KLRD1: variants seen among roughly 807,000 people sequenced by gnomAD.
KLRD1 encodes killer cell lectin like receptor D1.
In KLRD1, 21 loss-of-function variants were observed where a neutral mutation model predicts 22.6. The ratio of observed to expected loss-of-function variants is 0.93; its 90% confidence interval spans 0.66 to 1.34. KLRD1 has a LOEUF of 1.34. Ranked by LOEUF, KLRD1 falls within the 40% of genes most tolerant of loss-of-function variation. The pLI, the probability that KLRD1 is intolerant of heterozygous loss-of-function variation, is 0.00. For synonymous variants in KLRD1, 59 were observed against 71.1 expected, an observed-to-expected ratio of 0.83 and a Z score of 0.85; for missense variants, 183 against 208.6, an observed-to-expected ratio of 0.88 and a Z score of 0.76.
intron 1 of KLRD1, among the ~76,000 whole-genome samples, chr12:10,246,462 T>C (rs1245634720): frequency 6.6e-6 from 1 of 152,178 alleles, no homozygotes; most frequent in Non-Finnish European, 1.5e-5. Context: ...TTCAGAATTA[T>C]CCTCTTGCTT....
Position 10,282,707 on chromosome 12 carries a change from G to A in KLRD1, c.-100-25271G>A, listed in dbSNP as rs1017566712. ...AATATTGTAGAGCATACATAATGAT[G>A]TGGGTACAAAGTTAGAAGATGTGTT... On this transcript the variant is annotated intron_variant, in intron 1 of 5. Coordinates refer to the KLRD1 transcript ENST00000544747. Among the ~76,000 whole-genome samples the A allele has an allele frequency of 4.6e-5, 7 of 152,182 alleles. No homozygotes were observed. The South Asian group carries it at 1.4e-3, about 31-fold the overall frequency.
chr12:10,297,252 T>A (rs1179790168), intron 1 of KLRD1, among the ~76,000 whole-genome samples: 1 of 152,208 alleles, frequency 6.6e-6, no homozygotes, highest in Non-Finnish European at 1.5e-5. Flanking sequence ...AAGAGAAACG[T>A]TGAAATTAAA....
chr12:10,250,028 A>C (rs765790), intron 1 of KLRD1, among the ~76,000 whole-genome samples: 26,422 of 152,026 alleles, frequency 0.17, 3,628 homozygotes, highest in African/African-American at 0.36. Flanking sequence ...CTTGTTGTAC[A>C]TACGTTGTCC....
At position 10,328,886 on chromosome 12, in the gene KLRD1, A is replaced by T. The variant is rs978682227; in HGVS notation, c.*14093A>T. The T allele has an allele frequency of 6.6e-5, 10 of 152,244 alleles. No individual in the cohort carries two copies. The highest frequency in any genetic ancestry group is 2.4e-4 in the African/African-American group (10 of 41,420). The allele number at this position is 152,244 out of a possible 1,614,324, so 9.4% of individuals were successfully genotyped here. A position where few individuals can be genotyped will look rare whatever the true frequency, so the allele number is the denominator to read the frequency against. On this transcript the variant is annotated 3_prime_UTR_variant, in exon 6 of 6. Transcript: ENST00000336164. ...CACATGTCTCACATGGCGGCAGACA[A>T]GAGAGAATGAAAGCCAAGCCAAAGG...
chr12:10,308,447 T>A (rs902323115), intron 1 of KLRD1: 1 of 239,708 alleles, frequency 4.2e-6, no homozygotes, highest in African/African-American at 2.2e-5. Context: ...AATTGACTAT[T>A]TATGTTGTGA....
intron 1 of KLRD1, among the ~76,000 whole-genome samples, chr12:10,275,693 G>A (rs879695744): frequency 1.3e-5 from 2 of 152,142 alleles, no homozygotes; most frequent in Non-Finnish European, 2.9e-5. Context: ...CTAATATCAA[G>A]TGAGATAATA....
chr12:10,271,599 C>T (rs570531325), intron 1 of KLRD1, among the ~76,000 whole-genome samples: 4 of 151,906 alleles, frequency 2.6e-5, no homozygotes, highest in African/African-American at 9.7e-5. Context: ...GTTATTTTTC[C>T]GTTCTGGATA....
rs35252713 is a variant in KLRD1 at position 10,271,888 on chromosome 12, AT to A, written c.-100-36089del. ...TAAAAAAATTCTTAGTTCCTTATCT[AT>A]AATATACAGGTAACAATACAATAAT... On this transcript the variant is annotated intron_variant, in intron 1 of 5. Transcript: ENST00000544747. 7.4e-3 allele frequency among the ~76,000 whole-genome samples: 1,123 copies of A among 152,198 alleles called. 16 individuals are homozygous for A. Among genetic ancestry groups the A allele is most frequent in the African/African-American group, 0.026 (1,074 of 41,546 alleles).
chr12:10,271,396 C>A (rs1281704056), intron 1 of KLRD1, among the ~76,000 whole-genome samples: 1 of 152,166 alleles, frequency 6.6e-6, no homozygotes, highest in African/African-American at 2.4e-5. Context: ...GCCTGGTTGA[C>A]CATTCTCATT....
At chr12:10,284,167 C>T (rs1163014759) in intron 1 of KLRD1, among the ~76,000 whole-genome samples, 1 of 151,974 alleles carries the variant, frequency 6.6e-6, no homozygotes, top group African/African-American at 2.4e-5. Context: ...GCCTGGGTGA[C>T]AAGAGTAAAA....
chr12:10,277,114 GT>G (rs36020833), intron 1 of KLRD1, among the ~76,000 whole-genome samples: 2,266 of 115,336 alleles, frequency 0.02, 41 homozygotes, highest in East Asian at 0.067. Flanking sequence ...GCCTCACAGA[GT>G]TTTTTTTTTT....
rs1484970829 is a variant in KLRD1, at chr12:10,324,944, T to C, written c.*10151T>C. On this transcript the variant is annotated 3_prime_UTR_variant, in exon 6 of 6. Transcript: ENST00000336164. ...TGTAGATTTCATTGGGTTATCTGCATAGATGAATAAAGACAGTTTTTACCT... is the reference window on the plus strand; with the variant it reads ...TGTAGATTTCATTGGGTTATCTGCACAGATGAATAAAGACAGTTTTTACCT... The C allele has an allele frequency of 6.6e-6, 1 of 151,054 alleles. No individual in the cohort carries two copies. Among genetic ancestry groups the C allele is most frequent in the Non-Finnish European group, 1.5e-5 (1 of 67,750 alleles). 9.4% of individuals were successfully genotyped at this position (151,054 alleles called of 1,614,324 possible). A position where few individuals can be genotyped will look rare whatever the true frequency, so the allele number is the denominator to read the frequency against.
chr12:10,298,910 G>C (rs576335958), intron 1 of KLRD1, among the ~76,000 whole-genome samples: 1 of 152,146 alleles, frequency 6.6e-6, no homozygotes, highest in South Asian at 2.1e-4. Flanking sequence ...CACTCCACAG[G>C]CCATATTTCT....
At chr12:10,298,509 A>C (rs1373433601) in intron 1 of KLRD1, among the ~76,000 whole-genome samples, 3 of 152,210 alleles carry the variant, frequency 2.0e-5, no homozygotes, top group Admixed American at 6.5e-5. Context: ...ATCTGGCCAT[A>C]AACTGGCCCC....
intron 1 of KLRD1, among the ~76,000 whole-genome samples, chr12:10,238,984 T>G (rs1419648675): frequency 6.6e-6 from 1 of 152,234 alleles, no homozygotes; most frequent in Non-Finnish European, 1.5e-5. Context: ...GAAGGGAGTC[T>G]TAGGTTCTTA....
rs76910036 is a variant in KLRD1, at chr12:10,309,130, G to A, written c.8-258G>A. On this transcript the variant is annotated intron_variant, in intron 1 of 5. Coordinates refer to ENST00000336164, the MANE Select transcript of KLRD1 (RefSeq NM_002262.5). Reference sequence around the variant, plus strand: ...GCACCTCTGCCAATTTAAAATAAATGGTAAATTCACTTTACTGCAACAGAG... The same window carrying A: ...GCACCTCTGCCAATTTAAAATAAATAGTAAATTCACTTTACTGCAACAGAG... 5.9e-3 allele frequency: 1,845 copies of A among 314,498 alleles called. 27 individuals are homozygous for A. The highest frequency in any genetic ancestry group is 0.037 in the African/African-American group (1,712 of 46,836). 19.5% of individuals were successfully genotyped at this position (314,498 alleles called of 1,614,324 possible).
chr12:10,290,140 C>G (rs1285236081), intron 1 of KLRD1, among the ~76,000 whole-genome samples: 1 of 150,852 alleles, frequency 6.6e-6, no homozygotes, highest in Admixed American at 6.6e-5. Flanking sequence ...AGAACAACAA[C>G]AAGGCAGTTT....
rs1187015556 is a variant in KLRD1, at chr12:10,315,696, C to T, written c.*903C>T. The T allele has an allele frequency of 5.3e-5, 8 of 152,154 alleles. No homozygotes were observed. Among genetic ancestry groups the T allele is most frequent in the Non-Finnish European group, 1.0e-4 (7 of 68,082 alleles). The allele number at this position is 152,154 out of a possible 1,614,324, so 9.4% of individuals were successfully genotyped here. A position where few individuals can be genotyped will look rare whatever the true frequency, so the allele number is the denominator to read the frequency against. ...TCCACCAACTATCCTATACCCCTGA[C>T]CTCCTTTCATTAGGCATTATCTTCT... On this transcript the variant is annotated 3_prime_UTR_variant, in exon 6 of 6. Coordinates refer to ENST00000336164, the MANE Select transcript of KLRD1 (RefSeq NM_002262.5).
At chr12:10,300,287 T>A (rs550455891), upstream of KLRD1, among the ~76,000 whole-genome samples, 1 of 152,304 alleles carries the variant, frequency 6.6e-6, no homozygotes, top group Non-Finnish European at 1.5e-5. Flanking sequence ...TTAATAAGAC[T>A]TAAAAGTTGA....
Sources: allele counts gnomAD v4.1 joint callset (sites outside exome capture counted in the v4.1 genomes callset), GRCh38; gene constraint gnomAD v4.1.1; transcripts MANE v1.5; gene names NCBI Gene and HGNC (gene_info 2026-07-23, HGNC 2026-07-21).